BBS4: variants seen among roughly 807,000 people sequenced by gnomAD.
BBS4 encodes BBSome complex member BBS4.
BBS4 carries 58 observed loss-of-function variants against 71.4 expected under a neutral mutation model. The ratio of observed to expected loss-of-function variants is 0.81; its 90% confidence interval spans 0.66 to 1.01. The LOEUF is 1.01. BBS4 is among the 50% of genes least tolerant of loss of function. The pLI, the probability that BBS4 is intolerant of heterozygous loss-of-function variation, is 0.00. For missense variants in BBS4, 660 were observed against 607.9 expected (o/e 1.09, Z -0.90); for synonymous variants, 228 against 216.8 (o/e 1.05, Z -0.46).
chr15:72,735,289 C>T (rs1388406526), intron 13 of BBS4, 107 bp downstream of exon 13: 12 of 847,614 alleles, frequency 1.4e-5, no homozygotes, highest in Admixed American at 7.9e-5. Context: ...AGCTGTTCCT[C>T]TATGGCATTA....
chr15:72,701,021 G>A (rs1436174927), intron 2 of BBS4, among the ~76,000 whole-genome samples: 2 of 152,144 alleles, frequency 1.3e-5, no homozygotes, highest in African/African-American at 2.4e-5. Context: ...GTACTGTGCA[G>A]TGAATTTTTA....
chr15:72,736,165 T>C (rs2151055685), intron 14 of BBS4, among the ~76,000 whole-genome samples, 199 bp downstream of exon 14: 1 of 152,194 alleles, frequency 6.6e-6, no homozygotes, highest in African/African-American at 2.4e-5. Flanking sequence ...AATTCAGGCT[T>C]ACTGAGTTGT....
At chr15:72,709,900 C>A in intron 3 of BBS4, 121 bp downstream of exon 3, 1 of 834,844 alleles carries the variant, frequency 1.2e-6, no homozygotes, top group Non-Finnish European at 2.0e-6. Context: ...TCCTTCTTCC[C>A]CATACTTCAT....
chr15:72,707,177 C>CTTTTTTT lies in BBS4; in HGVS notation c.77-2519_77-2518insTTTTTTT, dbSNP rs756415809. 5.8e-4 allele frequency among the ~76,000 whole-genome samples: 77 copies of CTTTTTTT among 132,356 alleles called. 13 individuals are homozygous for CTTTTTTT. The highest frequency in any genetic ancestry group is 6.9e-4 in the Non-Finnish European group (42 of 60,582). 86.8% of individuals were successfully genotyped at this position (132,356 alleles called of 152,430 possible). A position where few individuals can be genotyped will look rare whatever the true frequency, so the allele number is the denominator to read the frequency against. ...GCTCTTCCCTTTCTTTTCCTTTTTT[C>CTTTTTTT]TTTTCTTTTTTTTTTTTTGGAGACA... On this transcript the variant is annotated intron_variant, in intron 2 of 15. Transcript: ENST00000268057.
chr15:72,733,465 CTG>C (rs1192805706), intron 12 of BBS4, among the ~76,000 whole-genome samples: 7 of 152,092 alleles, frequency 4.6e-5, no homozygotes. Context: ...GCTCCAGTGT[CTG>C]TTTCCCTCTG....
chr15:72,735,367 A>C, intron 13 of BBS4, 185 bp downstream of exon 13: 1 of 635,284 alleles, frequency 1.6e-6, no homozygotes, highest in South Asian at 1.7e-5. Flanking sequence ...AGGAATTGAC[A>C]CTCTGAGAAA....
In BBS4 at chr15:72,729,666, T is replaced by C. The variant is rs757599042; in HGVS notation, c.693T>C (p.Tyr231=). ...AACATCTTGGCAATGCACTGACTTATGACCCTACCAACTACAAGGTATTAC... is the reference window on the plus strand; with the variant it reads ...AACATCTTGGCAATGCACTGACTTACGACCCTACCAACTACAAGGTATTAC... ...AFEHLGNALT[Y]DPTNYKAILA... The change falls in exon 10 of 16, where the codon TAT becomes TAC. Residue 231 remains tyrosine (Y), a synonymous_variant. Coordinates refer to ENST00000268057, the MANE Select transcript of BBS4 (RefSeq NM_033028.5). The C allele has an allele frequency of 3.1e-6, 5 of 1,614,140 alleles. No individual in the cohort carries two copies. The South Asian group carries it at 4.4e-5, about 14-fold the overall frequency.
chr15:72,704,633 A>G (rs1368030572), intron 2 of BBS4, among the ~76,000 whole-genome samples: 6 of 152,272 alleles, frequency 3.9e-5, no homozygotes, highest in East Asian at 1.9e-4. Context: ...TAATCCCAGC[A>G]CTTTGGGAGA....
intron 8 of BBS4, among the ~76,000 whole-genome samples, chr15:72,726,897 G>A (rs1249192054): frequency 6.6e-6 from 1 of 152,194 alleles, no homozygotes; most frequent in Non-Finnish European, 1.5e-5. Flanking sequence ...AATTTCCTAA[G>A]GGAGAAATGT....
intron 2 of BBS4, among the ~76,000 whole-genome samples, chr15:72,703,963 C>T (rs2151008668): frequency 6.6e-6 from 1 of 152,240 alleles, no homozygotes; most frequent in South Asian, 2.1e-4. Context: ...GGGCAAACTA[C>T]AGGGGAGAAT....
intron 7 of BBS4, 34 bp downstream of exon 7, chr15:72,722,881 G>C: frequency 1.9e-6 from 3 of 1,581,424 alleles, no homozygotes; most frequent in Non-Finnish European, 2.6e-6. Context: ...ATTTCACTGA[G>C]GGTGCACTTG....
chr15:72,693,705 A>C (rs899350489), intron 1 of BBS4, among the ~76,000 whole-genome samples: 20 of 152,180 alleles, frequency 1.3e-4, no homozygotes, highest in African/African-American at 4.8e-4. Flanking sequence ...CTTGTAGACC[A>C]AATAAACAGG....
At chr15:72,704,836 C>T (rs544958033) in intron 2 of BBS4, among the ~76,000 whole-genome samples, 19 of 150,288 alleles carry the variant, frequency 1.3e-4, no homozygotes, top group East Asian at 8.5e-4. Context: ...GCTAAGATCG[C>T]GCCACTGCAC....
intron 1 of BBS4, 133 bp from the exon 2 acceptor site, chr15:72,695,044 C>G (rs1174157601): frequency 3.0e-6 from 2 of 657,024 alleles, no homozygotes; most frequent in Non-Finnish European, 5.4e-6. Flanking sequence ...TAAAGTAACT[C>G]TATCACAATA....
At chr15:72,734,992 C>G in intron 12 of BBS4, 121 bp from the exon 13 acceptor site, 1 of 732,606 alleles carries the variant, frequency 1.4e-6, no homozygotes, top group Non-Finnish European at 2.5e-6. Flanking sequence ...GGTATCTAAG[C>G]TGACTTAGTA....
At chr15:72,696,432 A>C (rs1221541561) in intron 2 of BBS4, among the ~76,000 whole-genome samples, 1 of 152,168 alleles carries the variant, frequency 6.6e-6, no homozygotes, top group East Asian at 1.9e-4. Context: ...CTAGCCATGT[A>C]ACCACTAGTA....
intron 2 of BBS4, among the ~76,000 whole-genome samples, chr15:72,697,454 A>G (rs1260682038): frequency 6.6e-6 from 1 of 152,160 alleles, no homozygotes; most frequent in Non-Finnish European, 1.5e-5. Context: ...ATATTGTAGG[A>G]TGGTTAACAA....
chr15:72,718,723 C>A (rs1408350293), intron 6 of BBS4, among the ~76,000 whole-genome samples: 2 of 152,078 alleles, frequency 1.3e-5, no homozygotes, highest in Non-Finnish European at 2.9e-5. Flanking sequence ...CTGATCTATG[C>A]CCTGGAGATG....
intron 5 of BBS4, among the ~76,000 whole-genome samples, chr15:72,715,823 C>T (rs906031010): frequency 1.3e-5 from 2 of 152,148 alleles, no homozygotes; most frequent in Admixed American, 1.3e-4. Flanking sequence ...AATTTTTCAA[C>T]TTTACAATGA....
Sources: gnomAD v4.1 joint callset for allele counts (sites outside exome capture counted in the v4.1 genomes callset) on GRCh38, gnomAD v4.1.1 for gene constraint, MANE v1.5 for transcripts, NCBI Gene and HGNC (gene_info 2026-07-23, HGNC 2026-07-21) for gene names.